The following UBE3D variants were observed in gnomAD, a reference collection of about 807,000 sequenced individuals.
UBE3D encodes ubiquitin protein ligase E3D.
UBE3D carries 48 observed loss-of-function variants against 49.6 expected under a neutral mutation model. That is an observed-to-expected ratio of 0.97 (90% CI 0.77 to 1.23). The LOEUF (loss-of-function observed/expected upper bound fraction) is 1.23. UBE3D is among the 50% of genes most tolerant of loss of function. The pLI is 0.00. For synonymous variants in UBE3D, 189 were observed against 174.2 expected, an observed-to-expected ratio of 1.08 and a Z score of -0.67; for missense variants, 452 against 468.4, an observed-to-expected ratio of 0.96 and a Z score of 0.32.
downstream of UBE3D, among the ~76,000 whole-genome samples, chr6:82,888,303 GTT>G (rs11409233): frequency 6.9e-6 from 1 of 144,734 alleles, no homozygotes; most frequent in Non-Finnish European, 1.5e-5. Context: ...CATGATTTAG[GTT>G]TTTTTTTTTT....
chr6:82,954,204 T>A (rs1269555844), intron 9 of UBE3D, among the ~76,000 whole-genome samples: 1 of 152,164 alleles, frequency 6.6e-6, no homozygotes, highest in Non-Finnish European at 1.5e-5. Flanking sequence ...TGATAAGGAA[T>A]GATAAGTCCA....
At chr6:83,047,751 C>T (rs140142279) in intron 3 of UBE3D, among the ~76,000 whole-genome samples, 1 of 152,180 alleles carries the variant, frequency 6.6e-6, no homozygotes, top group African/African-American at 2.4e-5. Context: ...TACCATTTTC[C>T]TGTACAGAGG....
chr6:83,022,596 TCTCATAATAACTCTAA>T (rs1156852764), intron 6 of UBE3D, 35 bp from the exon 7 acceptor site: 1 of 1,493,300 alleles, frequency 6.7e-7, no homozygotes, highest in Non-Finnish European at 9.0e-7. Context: ...ACAATGTGTA[TCTCATAATAACTCTAA>T]CTGGCAAGAT....
the UBE3D span, among the ~76,000 whole-genome samples, chr6:82,881,520 T>C: frequency 6.6e-6 from 1 of 152,278 alleles, no homozygotes; most frequent in African/African-American, 2.4e-5. Flanking sequence ...GAGGAAGAGA[T>C]AATGAGCTTG....
At chr6:82,960,702 G>A (rs1018165315) in intron 8 of UBE3D, among the ~76,000 whole-genome samples, 42 of 151,924 alleles carry the variant, frequency 2.8e-4, no homozygotes, top group Non-Finnish European at 5.9e-5. Context: ...GATCAGACAT[G>A]AGTGATTTCC....
intron 8 of UBE3D, among the ~76,000 whole-genome samples, chr6:82,958,344 C>T (rs567558548): frequency 6.6e-6 from 1 of 151,846 alleles, no homozygotes; most frequent in South Asian, 2.1e-4. Context: ...ACCAAAGTGT[C>T]TCTTATCACT....
chr6:83,029,442 A>G (rs1781711374), intron 5 of UBE3D, among the ~76,000 whole-genome samples: 1 of 152,094 alleles, frequency 6.6e-6, no homozygotes, highest in African/African-American at 2.4e-5. Context: ...AGAATTACCA[A>G]ATTATTTTTC....
rs143767174 is a variant in UBE3D at position 82,901,285 on chromosome 6, G to A, written c.1150-8243C>T. On this transcript the variant is annotated intron_variant, in intron 9 of 9. Transcript: ENST00000369747. Reference sequence around the variant, plus strand: ...CACTTAAAAAAAAAAAAGAGTAAGTGCATAACTTATTTCACCAGAGAGGAG... The same window carrying A: ...CACTTAAAAAAAAAAAAGAGTAAGTACATAACTTATTTCACCAGAGAGGAG... 2.5e-4 allele frequency among the ~76,000 whole-genome samples: 38 copies of A among 152,036 alleles called. No individual in the cohort carries two copies. The East Asian group carries it at 7.0e-3, about 28-fold the overall frequency.
intron 9 of UBE3D, among the ~76,000 whole-genome samples, chr6:82,926,220 TG>T (rs1409518099): frequency 6.6e-6 from 1 of 152,192 alleles, no homozygotes; most frequent in African/African-American, 2.4e-5. Context: ...CCATATAGTA[TG>T]TAGCCTCTTT....
the UBE3D span, among the ~76,000 whole-genome samples, chr6:82,884,105 G>C: frequency 6.6e-6 from 1 of 152,210 alleles, no homozygotes; most frequent in African/African-American, 2.4e-5. Flanking sequence ...ACATTAAAAA[G>C]AGCAGCTTTC....
intron 8 of UBE3D, among the ~76,000 whole-genome samples, chr6:82,970,594 C>A (rs1055397402): frequency 6.6e-6 from 1 of 152,146 alleles, no homozygotes; most frequent in African/African-American, 2.4e-5. Flanking sequence ...AATCCCAGCA[C>A]TTTGGGAGGT....
chr6:83,014,208 G>A (rs1186962722), intron 8 of UBE3D, among the ~76,000 whole-genome samples: 1 of 152,196 alleles, frequency 6.6e-6, no homozygotes, highest in African/African-American at 2.4e-5. Flanking sequence ...TTCTGCACAG[G>A]CCAAATAAGA....
chr6:83,026,568 T>C (rs1018991545), intron 5 of UBE3D, among the ~76,000 whole-genome samples: 2 of 152,154 alleles, frequency 1.3e-5, no homozygotes, highest in Non-Finnish European at 2.9e-5. Context: ...CATAGATTAA[T>C]ATATAGACAG....
At chr6:82,966,788 C>G (rs527957787) in intron 8 of UBE3D, among the ~76,000 whole-genome samples, 2 of 151,998 alleles carry the variant, frequency 1.3e-5, no homozygotes, top group South Asian at 4.1e-4. Context: ...ACCTATAGAT[C>G]TATTCAGCTC....
At chr6:83,039,473 G>C (rs1315038381) in intron 4 of UBE3D, among the ~76,000 whole-genome samples, 1 of 152,180 alleles carries the variant, frequency 6.6e-6, no homozygotes, top group Non-Finnish European at 1.5e-5. Flanking sequence ...TTCCATGGAA[G>C]TGCTGCTAGA....
intron 9 of UBE3D, among the ~76,000 whole-genome samples, chr6:82,923,930 A>G (rs1024369158): frequency 6.6e-6 from 1 of 152,212 alleles, no homozygotes; most frequent in Non-Finnish European, 1.5e-5. Flanking sequence ...GTGTTGGAAA[A>G]GCCTAGAGTC....
chr6:83,054,242 A>G lies in UBE3D; in HGVS notation c.275-4T>C. ...TGATTAAACATTGAAATCAGTTCTA[A>G]AGGAAGTCAATGAAATAGCTAATCT... On this transcript the variant is annotated splice_region_variant and splice_polypyrimidine_tract_variant and intron_variant, in intron 2 of 9. Coordinates refer to ENST00000369747, the MANE Select transcript of UBE3D (RefSeq NM_198920.3). The G allele has an allele frequency of 6.2e-7, 1 of 1,611,476 alleles. No individual in the cohort carries two copies. Among genetic ancestry groups the G allele is most frequent in the Non-Finnish European group, 8.5e-7 (1 of 1,177,626 alleles).
chr6:82,976,768 T>A (rs12204001), intron 8 of UBE3D, among the ~76,000 whole-genome samples: 25,119 of 152,070 alleles, frequency 0.17, 2,146 homozygotes, highest in African/African-American at 0.2. Flanking sequence ...TCCAGGTTCT[T>A]CTAAGTGAAA....
chr6:83,020,827 G>T (rs1265082224), intron 7 of UBE3D, among the ~76,000 whole-genome samples: 1 of 152,114 alleles, frequency 6.6e-6, no homozygotes, highest in Non-Finnish European at 1.5e-5. Context: ...TTCCCTATTA[G>T]CTTTTTAGTC....
Sources: gnomAD v4.1 joint callset for allele counts (sites outside exome capture counted in the v4.1 genomes callset) on GRCh38, gnomAD v4.1.1 for gene constraint, MANE v1.5 for transcripts, NCBI Gene and HGNC (gene_info 2026-07-23, HGNC 2026-07-21) for gene names.